LAPTM4B: variants seen among roughly 807,000 people sequenced by gnomAD.
LAPTM4B encodes lysosomal protein transmembrane 4 beta.
LAPTM4B carries 26 observed loss-of-function variants against 28.5 expected under a neutral mutation model. The observed-to-expected ratio is 0.91, with a 90% CI of 0.67 to 1.27. The LOEUF is 1.27. Ranked by LOEUF, LAPTM4B falls within the 50% of genes most tolerant of loss-of-function variation. LAPTM4B has a pLI of 0.00. For synonymous variants in LAPTM4B, 109 were observed against 106.4 expected, an observed-to-expected ratio of 1.02 and a Z score of -0.15; for missense variants, 288 against 285.8, an observed-to-expected ratio of 1.01 and a Z score of -0.06.
intron 6 of LAPTM4B, among the ~76,000 whole-genome samples, chr8:97,832,399 C>A (rs1817194234): frequency 6.6e-6 from 1 of 152,072 alleles, no homozygotes. Context: ...GACATACATG[C>A]CGGGAAATTG....
In LAPTM4B at chr8:97,805,482, G is replaced by C; in HGVS notation, c.211+18G>C. ...TGATGCCAGTAAGTAGTAGATATTTGGGTATTTTCAAGGGCAGGGAATCTG... is the reference window on the plus strand; with the variant it reads ...TGATGCCAGTAAGTAGTAGATATTTCGGTATTTTCAAGGGCAGGGAATCTG... On this transcript the variant is annotated intron_variant, in intron 2 of 6. Coordinates refer to ENST00000521545, the MANE Select transcript of LAPTM4B (RefSeq NM_018407.6). 7.0e-7 allele frequency: 1 copy of C among 1,432,868 alleles called. No homozygotes were observed. The highest frequency in any genetic ancestry group is 9.8e-7 in the Non-Finnish European group (1 of 1,018,436). 88.8% of individuals were successfully genotyped at this position (1,432,868 alleles called of 1,614,324 possible).
chr8:97,851,308 T>C (rs531350023), intron 6 of LAPTM4B, 89 bp from the exon 7 acceptor site: 1 of 1,007,288 alleles, frequency 9.9e-7, no homozygotes, highest in East Asian at 2.4e-5. Context: ...GGAACATGTT[T>C]AGTTGCATAA....
intron 6 of LAPTM4B, among the ~76,000 whole-genome samples, chr8:97,842,516 GTTGTTT>G (rs1011874291): frequency 9.9e-5 from 15 of 152,090 alleles, no homozygotes; most frequent in East Asian, 1.9e-4. Flanking sequence ...TTTTTTTGTT[GTTGTTT>G]TTGTTTTTGT....
chr8:97,833,380 T>C (rs1462747469), intron 6 of LAPTM4B, among the ~76,000 whole-genome samples: 1 of 152,068 alleles, frequency 6.6e-6, no homozygotes, highest in Non-Finnish European at 1.5e-5. Context: ...AATAACAAAA[T>C]GGTATTGTTA....
At position 97,852,781 on chromosome 8, in the gene LAPTM4B, T is replaced by C; in HGVS notation, c.*1307T>C. On this transcript the variant is annotated 3_prime_UTR_variant, in exon 7 of 7. Coordinates refer to ENST00000521545, the MANE Select transcript of LAPTM4B (RefSeq NM_018407.6). Reference sequence around the variant, plus strand: ...TAAAATATTGAAATGTTTAAGTGGATAACTATATTATTCATAAAATGACTG... The same window carrying C: ...TAAAATATTGAAATGTTTAAGTGGACAACTATATTATTCATAAAATGACTG... 2 of 251,878 alleles carry C rather than the reference T, an allele frequency of 7.9e-6. No homozygotes were observed. The highest frequency in any genetic ancestry group is 1.6e-5 in the Non-Finnish European group (2 of 126,848). 15.6% of individuals were successfully genotyped at this position (251,878 alleles called of 1,614,324 possible). A position where few individuals can be genotyped will look rare whatever the true frequency, so the allele number is the denominator to read the frequency against.
intron 1 of LAPTM4B, among the ~76,000 whole-genome samples, chr8:97,784,975 T>C (rs1457153367): frequency 6.6e-6 from 1 of 152,184 alleles, no homozygotes; most frequent in Non-Finnish European, 1.5e-5. Context: ...GGGAAGGACA[T>C]TGGATTTTTA....
chr8:97,776,919 G>C (rs1411193009), intron 1 of LAPTM4B, among the ~76,000 whole-genome samples: 1 of 151,982 alleles, frequency 6.6e-6, no homozygotes, highest in African/African-American at 2.4e-5. Context: ...TTCAGAGCTA[G>C]TGAGGAAACC....
At chr8:97,814,735 C>G (rs1186531497) in intron 2 of LAPTM4B, among the ~76,000 whole-genome samples, 1 of 145,580 alleles carries the variant, frequency 6.9e-6, no homozygotes, top group Non-Finnish European at 1.5e-5. Context: ...GCTCTATCGC[C>G]CAGACCGGAG....
chr8:97,781,278 C>CTTTTTTTTTTTTTTTTTT (rs71271147), intron 1 of LAPTM4B, among the ~76,000 whole-genome samples: 11 of 50,840 alleles, frequency 2.2e-4, no homozygotes, highest in African/African-American at 1.2e-3. Flanking sequence ...TGTGCCCGGC[C>CTTTTTTTTTTTTTTTTTT]TTTTTTTTTT....
intron 1 of LAPTM4B, among the ~76,000 whole-genome samples, chr8:97,778,085 C>T (rs1246582184): frequency 1.3e-5 from 2 of 152,166 alleles, no homozygotes; most frequent in African/African-American, 4.8e-5. Flanking sequence ...CATGCTTTGT[C>T]TACTGTTTGA....
chr8:97,827,252 A>C (rs947686887), intron 6 of LAPTM4B, among the ~76,000 whole-genome samples: 1 of 152,156 alleles, frequency 6.6e-6, no homozygotes, highest in African/African-American at 2.4e-5. Context: ...GCAGGATTCT[A>C]ATCTTCCCCC....
chr8:97,784,933 A>G (rs1298367332), intron 1 of LAPTM4B, among the ~76,000 whole-genome samples: 1 of 152,174 alleles, frequency 6.6e-6, no homozygotes, highest in East Asian at 1.9e-4. Flanking sequence ...GGTTTTCTCC[A>G]TCTGATTTAA....
chr8:97,831,547 T>C (rs543222172), intron 6 of LAPTM4B, among the ~76,000 whole-genome samples: 7 of 152,266 alleles, frequency 4.6e-5, no homozygotes, highest in South Asian at 4.2e-4. Context: ...TGAGGGGTTC[T>C]AAAAGACAGG....
At chr8:97,843,765 A>G (rs1433924985) in intron 6 of LAPTM4B, among the ~76,000 whole-genome samples, 1 of 149,988 alleles carries the variant, frequency 6.7e-6, no homozygotes, top group Admixed American at 6.7e-5. Context: ...GGGCAACAAG[A>G]GCGAAACTCC....
chr8:97,800,237 C>T (rs1331657116), intron 1 of LAPTM4B, among the ~76,000 whole-genome samples: 2 of 152,060 alleles, frequency 1.3e-5, no homozygotes, highest in Non-Finnish European at 2.9e-5. Flanking sequence ...TTGACAGGTC[C>T]CTAGGGACTG....
Position 97,851,845 on chromosome 8 carries a change from A to G in LAPTM4B, c.*371A>G. 1 of 213,554 alleles carries G rather than the reference A, an allele frequency of 4.7e-6. No homozygotes were observed. Among genetic ancestry groups the G allele is most frequent in the Non-Finnish European group, 9.2e-6 (1 of 108,352 alleles). 13.2% of individuals were successfully genotyped at this position (213,554 alleles called of 1,614,324 possible). ...TTTGAAAATGTAAAATAAAACCAAA[A>G]ATAGACAACTTTTTCTTCAGCCATT... On this transcript the variant is annotated 3_prime_UTR_variant, in exon 7 of 7. Coordinates refer to ENST00000521545, the MANE Select transcript of LAPTM4B (RefSeq NM_018407.6).
intron 1 of LAPTM4B, among the ~76,000 whole-genome samples, chr8:97,792,661 C>T (rs1042739385): frequency 3.9e-5 from 6 of 152,124 alleles, no homozygotes; most frequent in African/African-American, 1.4e-4. Context: ...CTCACTGCAA[C>T]CTCTGCCTCC....
In LAPTM4B at chr8:97,776,009, G is replaced by T. The variant is rs1393254694; in HGVS notation, c.-1G>T. 1 of 1,574,754 alleles carries T rather than the reference G, an allele frequency of 6.4e-7. No individual in the cohort carries two copies. The highest frequency in any genetic ancestry group is 8.6e-7 in the Non-Finnish European group (1 of 1,165,652). The stretch of plus-strand genomic sequence containing the variant: ...GCGCTCGCGCCACTGCGCCCGGAGC[G>T]ATGAAGATGGTCGCGCCCTGGACGC... On this transcript the variant is annotated 5_prime_UTR_variant, in exon 1 of 7. Transcript: ENST00000521545.
intron 1 of LAPTM4B, among the ~76,000 whole-genome samples, chr8:97,780,662 T>G (rs1185913798): frequency 6.6e-6 from 1 of 152,184 alleles, no homozygotes; most frequent in Non-Finnish European, 1.5e-5. Context: ...ATTTTACAGA[T>G]GAGAAAACTG....
Sources: gnomAD v4.1 joint callset for allele counts (sites outside exome capture counted in the v4.1 genomes callset) on GRCh38, gnomAD v4.1.1 for gene constraint, MANE v1.5 for transcripts, NCBI Gene and HGNC (gene_info 2026-07-23, HGNC 2026-07-21) for gene names.